SPATA22: variants seen among roughly 807,000 people sequenced by gnomAD.
SPATA22 encodes spermatogenesis associated 22.
A neutral mutation model predicts 47.8 loss-of-function variants in SPATA22; 29 were observed. The ratio of observed to expected loss-of-function variants is 0.61; its 90% CI spans 0.45 to 0.83. SPATA22 has a LOEUF of 0.83. Ranked by LOEUF, SPATA22 falls within the 40% of genes least tolerant of loss-of-function variation. SPATA22 has a pLI of 0.00. For missense variants in SPATA22, 410 were observed against 421.7 expected, an observed-to-expected ratio of 0.97 and a Z score of 0.24; for synonymous variants, 133 against 140.9, an observed-to-expected ratio of 0.94 and a Z score of 0.40.
Position 3,481,690 on chromosome 17 carries a change from C to T in SPATA22, c.-73-12292G>A, listed in dbSNP as rs1032323308. The T allele has an allele frequency of 1.2e-6, 2 of 1,613,642 alleles. No homozygotes were observed. Among genetic ancestry groups the T allele is most frequent in the Admixed American group, 3.3e-5 (2 of 59,978 alleles). ...TTGGTCCAAAAGACAGTGAAGATTC[C>T]TATGACATTATTTTTGACCTTCACA... On this transcript the variant is annotated intron_variant, in intron 1 of 8. Coordinates refer to the SPATA22 transcript ENST00000541913.
intron 2 of SPATA22, among the ~76,000 whole-genome samples, chr17:3,468,548 T>C (rs958155080): frequency 1.3e-5 from 2 of 152,194 alleles, no homozygotes; most frequent in African/African-American, 2.4e-5. Flanking sequence ...GAATTACAAT[T>C]TCAGAGTATG....
intron 1 of SPATA22, among the ~76,000 whole-genome samples, chr17:3,470,030 T>C (rs2073392102): frequency 7.2e-6 from 1 of 138,816 alleles, no homozygotes; most frequent in Non-Finnish European, 1.5e-5. Flanking sequence ...GAGGCCGAGG[T>C]TGCAGTGAGC....
intron 6 of SPATA22, among the ~76,000 whole-genome samples, chr17:3,448,440 T>G (rs73977724): frequency 0.014 from 2,099 of 152,306 alleles, 45 homozygotes; most frequent in African/African-American, 0.046. Flanking sequence ...AAATACTGTC[T>G]GGCCCTTTAA....
Position 3,451,607 on chromosome 17 carries a change from CT to C in SPATA22, c.330-2459del, listed in dbSNP as rs1191715957. ...AGAAGATCAAAATCACACCAAGTAT[CT>C]TTTCTGACCATAATGGTATAAAACT... On this transcript the variant is annotated intron_variant, in intron 5 of 8. Transcript: ENST00000572969. Among the ~76,000 whole-genome samples the C allele has an allele frequency of 3.3e-5, 5 of 152,276 alleles. No homozygotes were observed. In the East Asian group the frequency reaches 9.6e-4, roughly 29 times the overall value.
rs2131517 is a variant in SPATA22 at position 3,488,156 on chromosome 17, T to C, written c.-73-18758A>G. Among the ~76,000 whole-genome samples, 1 of 151,932 alleles carries C rather than the reference T, an allele frequency of 6.6e-6. No homozygotes were observed. The highest frequency in any genetic ancestry group is 6.6e-5 in the Admixed American group (1 of 15,244). ...ATGAGGGTAGTGCAGTTGGGGTAAA[T>C]GGTTTGCCAAATAGAGAAGGTGATG... On this transcript the variant is annotated intron_variant, in intron 1 of 8. Coordinates refer to the SPATA22 transcript ENST00000541913. The surrounding 1 kb of genome is among the most constrained non-coding windows in gnomAD (Gnocchi z 6.1).
chr17:3,448,814 G>A lies in SPATA22; in HGVS notation c.665C>T (p.Thr222Ile). ...TTGTATTTAAACATTTACCTTCAGGGTGTTGTCTTCTGGAATATCATCCAA... is the reference window on the plus strand; with the variant it reads ...TTGTATTTAAACATTTACCTTCAGGATGTTGTCTTCTGGAATATCATCCAA... ...QMLDDIPEDN[T>I]LKETSLYQLQ... Residue 222 changes from threonine to isoleucine, a missense_variant, in exon 6 of 9, where the codon ACC becomes ATC. Thr to Ile is a moderately conservative substitution (Grantham distance 89). Coordinates refer to ENST00000572969, the MANE Select transcript of SPATA22 (RefSeq NM_001170698.2). 1 of 1,596,142 alleles carries A rather than the reference G, an allele frequency of 6.3e-7. No individual in the cohort carries two copies. Among genetic ancestry groups the A allele is most frequent in the Non-Finnish European group, 8.6e-7 (1 of 1,168,602 alleles).
rs2073141270 is a variant in SPATA22 at position 3,462,356 on chromosome 17, A to G, written c.329+127T>C. 4.6e-6 allele frequency: 3 copies of G among 645,434 alleles called. No individual in the cohort carries two copies. In the Admixed American group the frequency reaches 8.8e-5, roughly 19 times the overall value. The allele number at this position is 645,434 out of a possible 1,614,324, so 40.0% of individuals were successfully genotyped here. On this transcript the variant is annotated intron_variant, in intron 5 of 8. Coordinates refer to ENST00000572969, the MANE Select transcript of SPATA22 (RefSeq NM_001170698.2). ...CATAATTAATACTGCCATAGTTGTT[A>G]TTTATAGAAATTTCCTAAATGTAAT...
intron 1 of SPATA22, among the ~76,000 whole-genome samples, chr17:3,486,855 T>C (rs2073731462): frequency 1.3e-5 from 2 of 152,176 alleles, no homozygotes; most frequent in Non-Finnish European, 2.9e-5. Flanking sequence ...AAACCAAAAA[T>C]TAATTTTTCG....
At position 3,463,975 on chromosome 17, in the gene SPATA22, C is replaced by G. The variant is rs1424533154; in HGVS notation, c.173-1208G>C. Among the ~76,000 whole-genome samples, 9 of 113,556 alleles carry G rather than the reference C, an allele frequency of 7.9e-5. 1 individual carries two copies. Among genetic ancestry groups the G allele is most frequent in the Middle Eastern group, 4.3e-3 (1 of 234 alleles). 74.5% of individuals were successfully genotyped at this position (113,556 alleles called of 152,430 possible). A position where few individuals can be genotyped will look rare whatever the true frequency, so the allele number is the denominator to read the frequency against. ...TGCCTCTCCCTCTGCCTCTCCCTCTCCCTCTCCCCACGGTCTCCCTCTCCC... is the reference window on the plus strand; with the variant it reads ...TGCCTCTCCCTCTGCCTCTCCCTCTGCCTCTCCCCACGGTCTCCCTCTCCC... On this transcript the variant is annotated intron_variant, in intron 3 of 8. Coordinates refer to ENST00000572969, the MANE Select transcript of SPATA22 (RefSeq NM_001170698.2).
chr17:3,450,623 C>T (rs1042786444), intron 5 of SPATA22, among the ~76,000 whole-genome samples: 3 of 152,118 alleles, frequency 2.0e-5, no homozygotes, highest in Non-Finnish European at 2.9e-5. Flanking sequence ...TACCATCACA[C>T]GCAACAATTT....
chr17:3,454,985 C>T (rs923737787), intron 5 of SPATA22, among the ~76,000 whole-genome samples: 52 of 151,540 alleles, frequency 3.4e-4, no homozygotes, highest in South Asian at 1.3e-3. Flanking sequence ...TTTTAATGAT[C>T]GCCATTCTAA....
In SPATA22 at chr17:3,440,212, G is replaced by A; in HGVS notation, c.1027C>T (p.Gln343Ter). Reference sequence around the variant, plus strand: ...ACATCTGCAATTTTGACAAATGCCTGGAAAGTTTTTTGTTCAGAAACAGAC... The same window carrying A: ...ACATCTGCAATTTTGACAAATGCCTAGAAAGTTTTTTGTTCAGAAACAGAC... ...PASVSEQKTF[Q>*]AFVKIADVEM... Residue 343 changes from glutamine to a stop codon, truncating the protein, a stop_gained, in exon 9 of 9, where the codon CAG (glutamine) becomes TAG (stop). Transcript: ENST00000572969. LOFTEE classifies it high-confidence loss of function. The A allele has an allele frequency of 6.2e-7, 1 of 1,610,180 alleles. No homozygotes were observed.
At chr17:3,484,824 A>G (rs2073691554) in intron 1 of SPATA22, among the ~76,000 whole-genome samples, 1 of 152,130 alleles carries the variant, frequency 6.6e-6, no homozygotes, top group Admixed American at 6.5e-5. Context: ...GGAAAAAGGA[A>G]TATCATATAC....
chr17:3,486,214 G>A (rs546694161), intron 1 of SPATA22, among the ~76,000 whole-genome samples: 138 of 152,272 alleles, frequency 9.1e-4, no homozygotes, highest in African/African-American at 3.1e-3. Flanking sequence ...GATTACAGGC[G>A]TGAGCCACCG....
At chr17:3,477,122 T>G (rs893293089) in intron 1 of SPATA22, among the ~76,000 whole-genome samples, 2 of 151,604 alleles carry the variant, frequency 1.3e-5, no homozygotes, top group Admixed American at 6.6e-5. Flanking sequence ...GCCACTGCAC[T>G]CCAGCCTGGG....
chr17:3,471,593 G>A, intron 1 of SPATA22, 89 bp downstream of exon 1: 1 of 985,364 alleles, frequency 1.0e-6, no homozygotes, highest in South Asian at 4.7e-5. Flanking sequence ...CGCGGTGGGA[G>A]AGAAGAGGCT....
intron 1 of SPATA22, among the ~76,000 whole-genome samples, chr17:3,492,059 T>C (rs1001207966): frequency 6.6e-6 from 1 of 152,034 alleles, no homozygotes; most frequent in Non-Finnish European, 1.5e-5. Flanking sequence ...GTGGTTTTTG[T>C]AGAGACAGGG....
At chr17:3,464,004 G>C (rs1478188269) in intron 3 of SPATA22, among the ~76,000 whole-genome samples, 5 of 110,478 alleles carry the variant, frequency 4.5e-5, no homozygotes, top group African/African-American at 1.3e-4. Flanking sequence ...CTCTCCCTCT[G>C]TTTCCACGGT....
intron 1 of SPATA22, among the ~76,000 whole-genome samples, chr17:3,495,228 G>A (rs561575063): frequency 1.2e-4 from 19 of 152,322 alleles, no homozygotes; most frequent in African/African-American, 4.6e-4. Context: ...CCAGACCTCA[G>A]AGATGGAAGA....
Sources: gnomAD v4.1 joint callset for allele counts (sites outside exome capture counted in the v4.1 genomes callset) on GRCh38, gnomAD v4.1.1 for gene constraint, Gnocchi (gnomAD v3.1) non-coding constraint, MANE v1.5 for transcripts, NCBI Gene and HGNC (gene_info 2026-07-23, HGNC 2026-07-21) for gene names.